Variants in POLR2E observed in about 807,000 individuals in gnomAD.
POLR2E encodes RNA polymerase II, I and III subunit E.
A neutral mutation model predicts 29.8 loss-of-function variants in POLR2E; 35 were observed. The observed-to-expected ratio is 1.17, with a 90% CI of 0.90 to 1.55. POLR2E has a LOEUF of 1.55. Ranked by LOEUF, POLR2E falls within the 40% of genes most tolerant of loss-of-function variation. The pLI, the probability that POLR2E is intolerant of heterozygous loss-of-function variation, is 0.00. For missense variants in POLR2E, 287 were observed against 288.6 expected (o/e 0.99, Z 0.04); for synonymous variants, 174 against 112.6 (o/e 1.55, Z -3.45).
chr19:1,090,443 G>A (rs892956339), intron 4 of POLR2E, among the ~76,000 whole-genome samples: 4 of 151,230 alleles, frequency 2.6e-5, no homozygotes, highest in Non-Finnish European at 2.9e-5. Context: ...ACAGGCTGGG[G>A]TGGGCCCGGG....
intron 6 of POLR2E, 51 bp from the exon 7 acceptor site, chr19:1,089,602 G>A (rs939901146): frequency 6.7e-7 from 1 of 1,482,044 alleles, no homozygotes; most frequent in African/African-American, 1.4e-5. Context: ...TCTCACTGCA[G>A]TCACCAGACA....
At chr19:1,094,850 C>G (rs1490317055) in intron 1 of POLR2E, 1 of 208,332 alleles carries the variant, frequency 4.8e-6, no homozygotes, top group Non-Finnish European at 9.6e-6. Context: ...CCCGCTGCTT[C>G]CCAACCACCA....
chr19:1,094,895 G>A (rs558477265), intron 1 of POLR2E: 246 of 294,742 alleles, frequency 8.3e-4, no homozygotes, highest in African/African-American at 4.3e-3. Flanking sequence ...GACTCCATGG[G>A]GTTCAGGACG....
At chr19:1,092,172 C>T in intron 2 of POLR2E, 1 of 430,252 alleles carries the variant, frequency 2.3e-6, no homozygotes, top group Non-Finnish European at 4.3e-6. Flanking sequence ...AAGCAGAGAC[C>T]TTCGACTCTG....
Position 1,090,023 on chromosome 19 carries a change from G to A in POLR2E, c.489-61C>T, listed in dbSNP as rs1354745454. 7 of 1,323,642 alleles carry A rather than the reference G, an allele frequency of 5.3e-6. No homozygotes were observed. The African/African-American group carries it at 9.7e-5, about 18-fold the overall frequency. 82.0% of individuals were successfully genotyped at this position (1,323,642 alleles called of 1,614,324 possible). A position where few individuals can be genotyped will look rare whatever the true frequency, so the allele number is the denominator to read the frequency against. On this transcript the variant is annotated intron_variant, in intron 5 of 7. Coordinates refer to ENST00000615234, the MANE Select transcript of POLR2E (RefSeq NM_002695.5). Reference sequence around the variant, plus strand: ...CGTTGGGGGGGCAGGGGTGTGTGTGGGGGGGGAACGCGGAAGTCTCGAGGG... The same window carrying A: ...CGTTGGGGGGGCAGGGGTGTGTGTGAGGGGGGAACGCGGAAGTCTCGAGGG...
rs372946579 is a variant in POLR2E at position 1,090,893 on chromosome 19, G to A, written c.429+15C>T. 8.5e-5 allele frequency: 137 copies of A among 1,609,158 alleles called. No individual in the cohort carries two copies. In the African/African-American group the frequency reaches 1.5e-3, roughly 17 times the overall value. On this transcript the variant is annotated intron_variant, in intron 4 of 7. Transcript: ENST00000615234. The stretch of plus-strand genomic sequence containing the variant: ...GCCGGCCCCACGCAGGCGGGATTCC[G>A]CGGCGCGCGCCCACCTCGTGCTCCG...
At chr19:1,090,246 C>G in intron 4 of POLR2E, 101 bp from the exon 5 acceptor site, 1 of 982,590 alleles carries the variant, frequency 1.0e-6, no homozygotes, top group Non-Finnish European at 1.6e-6. Context: ...CGGACAAGAG[C>G]CCTGAACCCC....
At position 1,093,845 on chromosome 19, in the gene POLR2E, G is replaced by A. The variant is rs749821095; in HGVS notation, c.232+59C>T. ...CGAGTGGGGGTGGGTGCTAGCGACC[G>A]GCTCCTCGGCAGGTGCTCTGGTGGC... On this transcript the variant is annotated intron_variant, in intron 2 of 7. Coordinates refer to ENST00000615234, the MANE Select transcript of POLR2E (RefSeq NM_002695.5). 8.0e-6 allele frequency: 12 copies of A among 1,495,456 alleles called. No individual in the cohort carries two copies. In the South Asian group the frequency reaches 8.1e-5, roughly 10 times the overall value. The allele number at this position is 1,495,456 out of a possible 1,614,324, so 92.6% of individuals were successfully genotyped here.
chr19:1,094,420 C>T (rs1197054853), intron 1 of POLR2E: 2 of 280,192 alleles, frequency 7.1e-6, no homozygotes, highest in Non-Finnish European at 6.7e-6. Flanking sequence ...AGGCTCACGC[C>T]CGTGATCCCA....
rs192602128 is a variant in POLR2E, at chr19:1,094,221, C to G, written c.58-143G>C. The G allele has an allele frequency of 1.7e-5, 12 of 695,330 alleles. No homozygotes were observed. The African/African-American group carries it at 1.8e-4, about 11-fold the overall frequency. The allele number at this position is 695,330 out of a possible 1,614,324, so 43.1% of individuals were successfully genotyped here. On this transcript the variant is annotated intron_variant, in intron 1 of 7. Transcript: ENST00000615234. Reference sequence around the variant, plus strand: ...TGAACACTCACTGTGTGCTCCATGACAGCCACCCCGGCCCCCACAGCCTCA... The same window carrying G: ...TGAACACTCACTGTGTGCTCCATGAGAGCCACCCCGGCCCCCACAGCCTCA...
At chr19:1,095,071 T>A in intron 1 of POLR2E, 188 bp downstream of exon 1, 62 of 407,674 alleles carry the variant, frequency 1.5e-4, no homozygotes, top group East Asian at 2.0e-4. Flanking sequence ...ACCCCCTCCC[T>A]TCCCCGCTGC....
rs1035912353 is a variant in POLR2E, at chr19:1,087,534, A to T, written c.*1201T>A. 6.6e-6 allele frequency: 1 copy of T among 151,604 alleles called. No individual in the cohort carries two copies. The allele number at this position is 151,604 out of a possible 1,614,324, so 9.4% of individuals were successfully genotyped here. ...CCCCTCCCTCCTCCCCAGCCCTGGG[A>T]ACCCCCATCCCCACCCAACTCCCCA... On this transcript the variant is annotated 3_prime_UTR_variant, in exon 8 of 8. Coordinates refer to ENST00000615234, the MANE Select transcript of POLR2E (RefSeq NM_002695.5).
rs1014907527 is a variant in POLR2E, at chr19:1,087,192, T to G, written c.*1543A>C. ...TTTTTGTAGAGGTGGGGGGTTTCTC[T>G]GTGTTGCCCGGGCTGGTCTTTTAAC... On this transcript the variant is annotated 3_prime_UTR_variant, in exon 8 of 8. Coordinates refer to ENST00000615234, the MANE Select transcript of POLR2E (RefSeq NM_002695.5). The G allele has an allele frequency of 6.6e-6, 1 of 151,776 alleles. No homozygotes were observed. Among genetic ancestry groups the G allele is most frequent in the Non-Finnish European group, 1.5e-5 (1 of 67,948 alleles). The allele number at this position is 151,776 out of a possible 1,614,324, so 9.4% of individuals were successfully genotyped here. A position where few individuals can be genotyped will look rare whatever the true frequency, so the allele number is the denominator to read the frequency against.
chr19:1,088,977 G>A (rs1342248232), intron 7 of POLR2E, among the ~76,000 whole-genome samples: 2 of 152,180 alleles, frequency 1.3e-5, no homozygotes, highest in Non-Finnish European at 2.9e-5. Flanking sequence ...GCGGCCTGCA[G>A]GACAGCAGCT....
intron 2 of POLR2E, 98 bp from the exon 3 acceptor site, chr19:1,092,005 C>T (rs926136129): frequency 1.8e-5 from 15 of 819,066 alleles, no homozygotes; most frequent in Middle Eastern, 2.3e-4. Flanking sequence ...CCATTCCACA[C>T]AGGTGTCTCT....
chr19:1,089,561 C>CAG lies in POLR2E; in HGVS notation c.568-12_568-11dup. ...GGATGATCTTCACCACCTGCAGAGACAGAGAGCAGGGGCTGCGAATGCTTG... is the reference window on the plus strand; with the variant it reads ...GGATGATCTTCACCACCTGCAGAGACAGAGAGAGCAGGGGCTGCGAATGCTTG... On this transcript the variant is annotated splice_polypyrimidine_tract_variant and intron_variant, in intron 6 of 7. Transcript: ENST00000615234. 3 of 1,612,722 alleles carry CAG rather than the reference C, an allele frequency of 1.9e-6. No homozygotes were observed. The highest frequency in any genetic ancestry group is 2.5e-6 in the Non-Finnish European group (3 of 1,178,874).
chr19:1,092,912 G>A lies in POLR2E; in HGVS notation c.232+992C>T, dbSNP rs570202092. The stretch of plus-strand genomic sequence containing the variant: ...AAAAAAAAAAAAAAAAAGACTGGGC[G>A]CGGTGGCTCACGCCTGTAATCCCAG... On this transcript the variant is annotated intron_variant, in intron 2 of 7. Transcript: ENST00000615234. Among the ~76,000 whole-genome samples the A allele has an allele frequency of 2.1e-4, 31 of 145,944 alleles. No homozygotes were observed. In the East Asian group the frequency reaches 5.4e-3, roughly 26 times the overall value.
chr19:1,093,881 C>T (rs778280379), intron 2 of POLR2E, 23 bp downstream of exon 2: 2 of 1,549,602 alleles, frequency 1.3e-6, no homozygotes, highest in Admixed American at 1.9e-5. Context: ...TTCACCGGAA[C>T]TCCCCCGGGA....
intron 2 of POLR2E, among the ~76,000 whole-genome samples, chr19:1,093,276 T>A (rs915411444): frequency 1.3e-5 from 2 of 152,154 alleles, no homozygotes; most frequent in African/African-American, 4.8e-5. Context: ...TGATTAATTC[T>A]GGGCGTGGGG....
Sources: allele counts gnomAD v4.1 joint callset (sites outside exome capture counted in the v4.1 genomes callset), GRCh38; gene constraint gnomAD v4.1.1; transcripts MANE v1.5; gene names NCBI Gene and HGNC (gene_info 2026-07-23, HGNC 2026-07-21).